IL6: variants seen among roughly 807,000 people sequenced by gnomAD.
The protein encoded by IL6 is interleukin 6.
A neutral mutation model predicts 18.0 loss-of-function variants in IL6; 5 were observed. The ratio of observed to expected loss-of-function variants is 0.28; its 90% CI spans 0.15 to 0.58. IL6 has a LOEUF of 0.58. Among genes scored for constraint, IL6 ranks in the 20% least tolerant of loss-of-function variants. The pLI is 0.90. For synonymous variants in IL6, 97 were observed against 95.1 expected, an observed-to-expected ratio of 1.02 and a Z score of -0.12; for missense variants, 266 against 251.0, an observed-to-expected ratio of 1.06 and a Z score of -0.40.
In IL6 at chr7:22,727,254, A is replaced by G; in HGVS notation, c.-9A>G. 1 of 1,613,568 alleles carries G rather than the reference A, an allele frequency of 6.2e-7. No individual in the cohort carries two copies. Among genetic ancestry groups the G allele is most frequent in the Non-Finnish European group, 8.5e-7 (1 of 1,179,988 alleles). ...AGAGAAGCTCTATCTCCCCTCCAGG[A>G]GCCCAGCTATGAACTCCTTCTCCAC... On this transcript the variant is annotated 5_prime_UTR_variant, in exon 1 of 5. Coordinates refer to ENST00000258743, the MANE Select transcript of IL6 (RefSeq NM_000600.5).
chr7:22,729,367 C>A (rs1784079155), intron 3 of IL6, 147 bp from the exon 4 acceptor site: 2 of 713,446 alleles, frequency 2.8e-6, no homozygotes, highest in Admixed American at 2.4e-5. Context: ...ATGGTGCTGT[C>A]CAATGTCCCA....
intron 4 of IL6, among the ~76,000 whole-genome samples, chr7:22,730,836 G>T (rs1784111723): frequency 6.6e-6 from 1 of 151,906 alleles, no homozygotes; most frequent in African/African-American, 2.4e-5. Flanking sequence ...AACATAGCAA[G>T]ACCCCATCTC....
At position 22,727,548 on chromosome 7, in the gene IL6, C is replaced by G. The variant is rs770802865; in HGVS notation, c.124C>G (p.Pro42Ala). Residue 42 changes from proline (P) to alanine (A), a missense_variant, in exon 2 of 5, where the codon CCA (proline) becomes GCA (alanine). Physicochemically the swap from Pro to Ala is conservative, Grantham distance 27. Coordinates refer to ENST00000258743, the MANE Select transcript of IL6 (RefSeq NM_000600.5). Reference protein sequence around the residue: ...PGEDSKDVAAPHRQPLTSSER... With the variant: ...PGEDSKDVAAAHRQPLTSSER... ...AGAAGATTCCAAAGATGTAGCCGCC[C>G]CACACAGACAGCCACTCACCTCTTC... 12 of 1,611,792 alleles carry G rather than the reference C, an allele frequency of 7.4e-6. No individual in the cohort carries two copies. In the Admixed American group the frequency reaches 1.7e-4, roughly 23 times the overall value.
In IL6 at chr7:22,729,672, C is replaced by A. The variant is rs770390140; in HGVS notation, c.471+12C>A. ...TCCTGCAGAAAAAGGTGGGTGTGTC[C>A]TCATTCCCTCAACTTGGTGTGGGGG... On this transcript the variant is annotated intron_variant, in intron 4 of 4. Coordinates refer to ENST00000258743, the MANE Select transcript of IL6 (RefSeq NM_000600.5). 5 of 1,614,014 alleles carry A rather than the reference C, an allele frequency of 3.1e-6. No homozygotes were observed. Among genetic ancestry groups the A allele is most frequent in the Admixed American group, 3.3e-5 (2 of 59,998 alleles).
chr7:22,727,321 CG>C, intron 1 of IL6, 40 bp downstream of exon 1: 1 of 1,614,022 alleles, frequency 6.2e-7, no homozygotes, highest in Non-Finnish European at 8.5e-7. Flanking sequence ...CTGCCAGCGG[CG>C]GTCGAGCCCT....
intron 4 of IL6, 195 bp downstream of exon 4, chr7:22,729,855 A>C (rs1784092973): frequency 3.4e-6 from 5 of 1,482,032 alleles, no homozygotes; most frequent in Non-Finnish European, 4.5e-6. Flanking sequence ...TCTTCTGCAA[A>C]GGACATCAAT....
At chr7:22,729,315 A>G (rs1056659909) in intron 3 of IL6, among the ~76,000 whole-genome samples, 199 bp from the exon 4 acceptor site, 1 of 152,250 alleles carries the variant, frequency 6.6e-6, no homozygotes, top group African/African-American at 2.4e-5. Flanking sequence ...GGCTTTGGAT[A>G]AAACTAATTA....
Position 22,731,528 on chromosome 7 carries a change from T to C in IL6, c.594T>C (p.Phe198=), listed in dbSNP as rs1365603270. 6.2e-7 allele frequency: 1 copy of C among 1,608,776 alleles called. No homozygotes were observed. Among genetic ancestry groups the C allele is most frequent in the Non-Finnish European group, 8.5e-7 (1 of 1,176,076 alleles). ...CAACTCATCTCATTCTGCGCAGCTT[T>C]AAGGAGTTCCTGCAGTCCAGCCTGA... ...DMTTHLILRS[F]KEFLQSSLRA... The change falls in exon 5 of 5, where the codon TTT becomes TTC. Residue 198 remains phenylalanine (F), a synonymous_variant. Coordinates refer to ENST00000258743, the MANE Select transcript of IL6 (RefSeq NM_000600.5).
rs993206050 is a variant in IL6, at chr7:22,731,652, T to C, written c.*79T>C. The C allele has an allele frequency of 1.9e-5, 20 of 1,075,804 alleles. No individual in the cohort carries two copies. The highest frequency in any genetic ancestry group is 2.5e-4 in the Middle Eastern group (1 of 3,976). 66.6% of individuals were successfully genotyped at this position (1,075,804 alleles called of 1,614,324 possible). ...ACCTGTCCACTGGGCACAGAACTTA[T>C]GTTGTTCTCTATGGAGAACTAAAAG... is the stretch of plus-strand genomic sequence containing the variant. On this transcript the variant is annotated 3_prime_UTR_variant, in exon 5 of 5. Transcript: ENST00000258743.
chr7:22,727,632 G>A lies in IL6; in HGVS notation c.208G>A (p.Glu70Lys). Residue 70 changes from glutamate to lysine, a missense_variant and splice_region_variant, in exon 2 of 5, where the codon GAG becomes AAG. Glu to Lys is a moderately conservative substitution (Grantham distance 56, BLOSUM62 1). Transcript: ENST00000258743. ...ILDGISALRK[E>K]TCNKSNMCES... ...CGACGGCATCTCAGCCCTGAGAAAG[G>A]AGGTGGGTAGGCTTGGCGATGGGGT... The A allele has an allele frequency of 1.9e-6, 3 of 1,539,982 alleles. No individual in the cohort carries two copies. Among genetic ancestry groups the A allele is most frequent in the Non-Finnish European group, 2.6e-6 (3 of 1,144,828 alleles).
rs985914955 is a variant in IL6, at chr7:22,730,177, T to G, written c.471+517T>G. The G allele has an allele frequency of 4.1e-6, 4 of 985,412 alleles. No homozygotes were observed. The African/African-American group carries it at 7.0e-5, about 17-fold the overall frequency. The allele number at this position is 985,412 out of a possible 1,614,324, so 61.0% of individuals were successfully genotyped here. On this transcript the variant is annotated intron_variant, in intron 4 of 4. Coordinates refer to ENST00000258743, the MANE Select transcript of IL6 (RefSeq NM_000600.5). ...AAGGCTTTGGCCACCAGTAGCTGGC[T>G]ATTCAGACAGCAGGGAGTAGACTTG...
In IL6 at chr7:22,729,591, G is replaced by C; in HGVS notation, c.402G>C (p.Glu134Asp). ...VYLEYLQNRF[E>D]SSEEQARAVQ... is the part of the protein sequence containing the mutation. ...TAGAGTACCTCCAGAACAGATTTGA[G>C]AGTAGTGAGGAACAAGCCAGAGCTG... Residue 134 changes from glutamate to aspartate, a missense_variant, in exon 4 of 5, where the codon GAG (glutamate) becomes GAC (aspartate). By Grantham distance (45) the Glu-to-Asp change is conservative (BLOSUM62 2). Transcript: ENST00000258743. 2 of 1,614,158 alleles carry C rather than the reference G, an allele frequency of 1.2e-6. No homozygotes were observed.
At chr7:22,728,957 A>G in intron 3 of IL6, 151 bp downstream of exon 3, 1 of 629,500 alleles carries the variant, frequency 1.6e-6, no homozygotes, top group South Asian at 1.9e-5. Flanking sequence ...GGCCAACTTC[A>G]AGCTTTTTTA....
intron 3 of IL6, 104 bp from the exon 4 acceptor site, chr7:22,729,410 C>G: frequency 1.8e-6 from 2 of 1,101,624 alleles, no homozygotes; most frequent in East Asian, 4.7e-5. Flanking sequence ...TTGAAGTTCT[C>G]TAGAGGAGCA....
At chr7:22,730,129 C>T (rs1784098902) in intron 4 of IL6, 4 of 985,342 alleles carry the variant, frequency 4.1e-6, no homozygotes, top group South Asian at 9.4e-5. Context: ...TGGTCAGAGA[C>T]TCAAGGGTGG....
At chr7:22,729,954 C>T (rs994336987) in intron 4 of IL6, 23 of 1,328,628 alleles carry the variant, frequency 1.7e-5, no homozygotes, top group Admixed American at 9.6e-5. Flanking sequence ...GGCGGGGGGG[C>T]GGGCAGAAAA....
chr7:22,730,131 C>T (rs1030957197), intron 4 of IL6: 7 of 985,194 alleles, frequency 7.1e-6, no homozygotes, highest in African/African-American at 1.7e-5. Context: ...GTCAGAGACT[C>T]AAGGGTGGAA....
At position 22,731,227 on chromosome 7, in the gene IL6, A is replaced by G. The variant is rs556761977; in HGVS notation, c.472-179A>G. The stretch of plus-strand genomic sequence containing the variant: ...GGGTGACAGAACGAGACCTTGACTC[A>G]AAAAAAAAAAAAAGAAGTTTGTTGC... On this transcript the variant is annotated intron_variant, in intron 4 of 4. Coordinates refer to ENST00000258743, the MANE Select transcript of IL6 (RefSeq NM_000600.5). Among the ~76,000 whole-genome samples, 1,374 of 140,838 alleles carry G rather than the reference A, an allele frequency of 9.8e-3. 13 individuals carry two copies. Among genetic ancestry groups the G allele is most frequent in the African/African-American group, 0.033 (1,250 of 37,912 alleles). The allele number at this position is 140,838 out of a possible 152,430, so 92.4% of individuals were successfully genotyped here.
At chr7:22,730,496 T>C (rs905202102) in intron 4 of IL6, among the ~76,000 whole-genome samples, 1 of 152,172 alleles carries the variant, frequency 6.6e-6, no homozygotes, top group Non-Finnish European at 1.5e-5. Context: ...GGTGGGTCTA[T>C]GGAAAGGTGT....
Sources: gnomAD v4.1 joint callset for allele counts (sites outside exome capture counted in the v4.1 genomes callset) on GRCh38, gnomAD v4.1.1 for gene constraint, MANE v1.5 for transcripts, NCBI Gene and HGNC (gene_info 2026-07-23, HGNC 2026-07-21) for gene names.